The following MATN2 variants were observed in gnomAD, a reference collection of about 807,000 sequenced individuals.
MATN2 encodes matrilin-2.
MATN2 carries 69 observed loss-of-function variants against 103.2 expected under a neutral mutation model. That is an observed-to-expected ratio of 0.67 (90% CI 0.55 to 0.82). MATN2 has a LOEUF of 0.82. Ranked by LOEUF, MATN2 falls within the 40% of genes least tolerant of loss-of-function variation. The pLI, the probability that MATN2 is intolerant of heterozygous loss-of-function variation, is 0.00. For synonymous variants in MATN2, 429 were observed against 450.2 expected (o/e 0.95, Z 0.60); for missense variants, 1,023 against 1,211.5 (o/e 0.84, Z 2.31).
chr8:97,985,153 G>A (rs1052284299), intron 6 of MATN2, among the ~76,000 whole-genome samples: 1 of 152,158 alleles, frequency 6.6e-6, no homozygotes, highest in Non-Finnish European at 1.5e-5. Context: ...GAAAGCCTAA[G>A]GCTGCTTCCA....
intron 1 of MATN2, among the ~76,000 whole-genome samples, chr8:97,873,799 C>CT (rs1305923982): frequency 2.0e-4 from 30 of 150,970 alleles, no homozygotes; most frequent in Middle Eastern, 3.4e-3. Context: ...TTTGTAAAAA[C>CT]TTTTTTTTTA....
chr8:97,881,200 A>G (rs1818241937), intron 1 of MATN2, among the ~76,000 whole-genome samples: 1 of 152,194 alleles, frequency 6.6e-6, no homozygotes, highest in Admixed American at 6.5e-5. Context: ...CTTCTTCAGG[A>G]TAGCAGGATC....
At chr8:97,917,408 C>T (rs909039278) in intron 2 of MATN2, among the ~76,000 whole-genome samples, 1 of 152,192 alleles carries the variant, frequency 6.6e-6, no homozygotes, top group African/African-American at 2.4e-5. Context: ...AAGAACTTGT[C>T]AGAATGAAGG....
intron 16 of MATN2, 86 bp downstream of exon 16, chr8:98,032,403 G>T: frequency 2.0e-6 from 2 of 997,856 alleles, no homozygotes; most frequent in South Asian, 1.4e-5. Context: ...AGAAGTGAAT[G>T]TAAGTATGTT....
intron 4 of MATN2, among the ~76,000 whole-genome samples, chr8:97,944,415 A>G (rs1049765945): frequency 1.3e-5 from 2 of 152,198 alleles, no homozygotes; most frequent in Non-Finnish European, 2.9e-5. Flanking sequence ...ATGTGCAGTG[A>G]TAAAGAACAG....
At position 97,931,336 on chromosome 8, in the gene MATN2, T is replaced by A. The variant is rs745525184; in HGVS notation, c.526T>A (p.Ser176Thr). 6.2e-7 allele frequency: 1 copy of A among 1,613,884 alleles called. No homozygotes were observed. The highest frequency in any genetic ancestry group is 1.1e-5 in the South Asian group (1 of 91,082). ...CGTGACAGATGGGAGACCTCAGGACTCCGTGGCCGAGGTGGCTGCTAAGGC... is the reference window on the plus strand; with the variant it reads ...CGTGACAGATGGGAGACCTCAGGACACCGTGGCCGAGGTGGCTGCTAAGGC... ...MIVTDGRPQD[S>T]VAEVAAKARD... Residue 176 changes from serine (S) to threonine (T), a missense_variant, in exon 3 of 19, where the codon TCC becomes ACC. Ser to Thr is a moderately conservative substitution (Grantham distance 58, BLOSUM62 1). Coordinates refer to ENST00000254898, the MANE Select transcript of MATN2 (RefSeq NM_002380.5). The surrounding 1 kb of genome is among the most constrained non-coding windows in gnomAD (Gnocchi z 4.1).
At chr8:97,878,019 AC>A (rs1362880127) in intron 1 of MATN2, among the ~76,000 whole-genome samples, 1 of 152,194 alleles carries the variant, frequency 6.6e-6, no homozygotes, top group African/African-American at 2.4e-5. Context: ...ACAAAAAAAA[AC>A]AAAACCGATG....
At chr8:97,901,196 A>C (rs1156341716) in intron 2 of MATN2, among the ~76,000 whole-genome samples, 1 of 152,214 alleles carries the variant, frequency 6.6e-6, no homozygotes, top group Non-Finnish European at 1.5e-5. Flanking sequence ...AAGAATAGGA[A>C]AACCATCAAT....
chr8:97,959,423 T>C (rs1280596770), intron 4 of MATN2, among the ~76,000 whole-genome samples: 1 of 152,196 alleles, frequency 6.6e-6, no homozygotes, highest in Non-Finnish European at 1.5e-5. Context: ...GCCTAGCTCA[T>C]TTAGGTTTTG....
intron 6 of MATN2, among the ~76,000 whole-genome samples, chr8:97,981,195 A>AG (rs1477916131): frequency 6.6e-6 from 1 of 151,894 alleles, no homozygotes; most frequent in East Asian, 1.9e-4. Flanking sequence ...AAAAAAAAAA[A>AG]AAGGCTAAAA....
chr8:97,885,725 G>A (rs1193098511), intron 1 of MATN2, among the ~76,000 whole-genome samples: 2 of 152,102 alleles, frequency 1.3e-5, no homozygotes, highest in Non-Finnish European at 2.9e-5. Context: ...CTCGAGCCTG[G>A]GAGGTTGAGG....
At chr8:97,909,370 A>G (rs1241289701) in intron 2 of MATN2, among the ~76,000 whole-genome samples, 1 of 152,198 alleles carries the variant, frequency 6.6e-6, no homozygotes, top group Non-Finnish European at 1.5e-5. Flanking sequence ...AGTATTTGTC[A>G]TTCTGTGCCT....
intron 4 of MATN2, among the ~76,000 whole-genome samples, chr8:97,955,734 G>A (rs1811124756): frequency 6.6e-6 from 1 of 152,192 alleles, no homozygotes; most frequent in Non-Finnish European, 1.5e-5. Context: ...TACAAGAGTA[G>A]GTAAGAGAGA....
intron 1 of MATN2, among the ~76,000 whole-genome samples, chr8:97,872,281 T>G (rs887312779): frequency 1.6e-4 from 25 of 152,326 alleles, no homozygotes; most frequent in Non-Finnish European, 2.6e-4. Flanking sequence ...TACCTGCATG[T>G]AAAAATCAGC....
At chr8:97,971,768 C>T (rs890261575) in intron 5 of MATN2, among the ~76,000 whole-genome samples, 3 of 152,132 alleles carry the variant, frequency 2.0e-5, no homozygotes, top group Non-Finnish European at 4.4e-5. Flanking sequence ...TCATCTTTCA[C>T]AGAGTGGACT....
chr8:97,892,976 C>T lies in MATN2; in HGVS notation c.142+4734C>T, dbSNP rs138070303. On this transcript the variant is annotated intron_variant, in intron 2 of 18. Coordinates refer to ENST00000254898, the MANE Select transcript of MATN2 (RefSeq NM_002380.5). Reference sequence around the variant, plus strand: ...GGCTCCGATGTGGCGCTGGGTCTGCCAGACAGGTGGTCTGAGCTGGAGATA... The same window carrying T: ...GGCTCCGATGTGGCGCTGGGTCTGCTAGACAGGTGGTCTGAGCTGGAGATA... 2.9e-3 allele frequency among the ~76,000 whole-genome samples: 447 copies of T among 152,226 alleles called. 1 individual carries two copies. Among genetic ancestry groups the T allele is most frequent in the African/African-American group, 9.9e-3 (410 of 41,526 alleles).
intron 16 of MATN2, 49 bp downstream of exon 16, chr8:98,032,366 T>C (rs2130458500): frequency 4.3e-6 from 6 of 1,386,820 alleles, no homozygotes; most frequent in East Asian, 2.4e-5. Context: ...GAGGGAACCA[T>C]GGTTTCCCTC....
intron 2 of MATN2, among the ~76,000 whole-genome samples, chr8:97,912,432 A>G (rs1158669696): frequency 6.6e-6 from 1 of 152,076 alleles, no homozygotes. Flanking sequence ...TGAAGCGCTG[A>G]GAGCGCTGAG....
chr8:97,959,456 G>T (rs1208717065), intron 4 of MATN2, among the ~76,000 whole-genome samples: 1 of 152,166 alleles, frequency 6.6e-6, no homozygotes, highest in Non-Finnish European at 1.5e-5. Flanking sequence ...TACTCACTAC[G>T]ATTTTTGTAT....
Sources: allele counts gnomAD v4.1 joint callset (sites outside exome capture counted in the v4.1 genomes callset), GRCh38; gene constraint gnomAD v4.1.1; non-coding constraint Gnocchi (gnomAD v3.1); transcripts MANE v1.5; gene names NCBI Gene and HGNC (gene_info 2026-07-23, HGNC 2026-07-21).